The following CLEC16A variants were observed in gnomAD, a reference collection of about 807,000 sequenced individuals.
CLEC16A encodes C-type lectin domain containing 16A.
CLEC16A carries 51 observed loss-of-function variants against 109.5 expected under a neutral mutation model. The ratio of observed to expected loss-of-function variants is 0.47; its 90% confidence interval spans 0.37 to 0.59. CLEC16A has a LOEUF of 0.59. Ranked by LOEUF, CLEC16A falls within the 20% of genes least tolerant of loss-of-function variation. CLEC16A has a pLI of 0.00. For missense variants in CLEC16A, 1,339 were observed against 1,394.0 expected (o/e 0.96, Z 0.63); for synonymous variants, 673 against 564.2 (o/e 1.19, Z -2.73).
chr16:11,098,040 G>T (rs1349812013), intron 19 of CLEC16A, among the ~76,000 whole-genome samples: 2 of 152,240 alleles, frequency 1.3e-5, no homozygotes, highest in African/African-American at 4.8e-5. Context: ...GGCGCCCGGT[G>T]CCCAGGTCAC....
intron 2 of CLEC16A, among the ~76,000 whole-genome samples, chr16:10,959,231 A>G (rs1418130893): frequency 1.3e-5 from 2 of 152,154 alleles, no homozygotes; most frequent in Non-Finnish European, 2.9e-5. Flanking sequence ...GTAGCTTTAT[A>G]TTTTCATCAG....
chr16:11,055,417 A>G (rs2048159248), intron 18 of CLEC16A, among the ~76,000 whole-genome samples: 1 of 151,930 alleles, frequency 6.6e-6, no homozygotes, highest in Non-Finnish European at 1.5e-5. Context: ...CAAACAGGGA[A>G]CAGCACACAT....
chr16:11,113,933 T>C (rs940310847), intron 19 of CLEC16A, among the ~76,000 whole-genome samples: 11 of 152,234 alleles, frequency 7.2e-5, no homozygotes, highest in African/African-American at 2.4e-4. Flanking sequence ...TGTGAAACTT[T>C]CGGTTTTAAT....
chr16:11,003,299 A>T lies in CLEC16A; in HGVS notation c.1297A>T (p.Ser433Cys), dbSNP rs761530273. 4.0e-5 allele frequency: 65 copies of T among 1,610,554 alleles called. 1 individual carries two copies. In the Admixed American group the frequency reaches 1.1e-3, roughly 27 times the overall value. Residue 433 changes from serine (S) to cysteine (C), a missense_variant, in exon 11 of 24, where the codon AGT (serine) becomes TGT (cysteine). Around this residue, in one of 3 missense-constraint regions of CLEC16A, gnomAD observed 1,061 missense variants for 1,006.8 expected, o/e 1.05. Coordinates refer to ENST00000409790, the MANE Select transcript of CLEC16A (RefSeq NM_015226.3). ...AAAAGGCATCAAGACGAGTGGGGAG[A>T]GTGAAGGTGAGTGTCCCCATGAACG... ...GSKGIKTSGESEEIEMVIMER... is the reference protein window; with the variant it reads ...GSKGIKTSGECEEIEMVIMER...
Position 10,944,735 on chromosome 16 carries a change from G to A in CLEC16A, c.18G>A (p.Arg6=). ...CCGCCGACATGTTTGGCCGCTCGCG[G>A]AGCTGGGTGGGCGGGGGCCATGGCA... MFGRS[R]SWVGGGHGKT... The change falls in exon 1 of 24, where the codon CGG becomes CGA. Residue 6 remains arginine, a synonymous_variant. Transcript: ENST00000409790. The A allele has an allele frequency of 6.2e-7, 1 of 1,608,886 alleles. No individual in the cohort carries two copies. The highest frequency in any genetic ancestry group is 8.5e-7 in the Non-Finnish European group (1 of 1,178,542).
At chr16:10,979,666 A>G (rs2043212555) in intron 9 of CLEC16A, among the ~76,000 whole-genome samples, 1 of 152,230 alleles carries the variant, frequency 6.6e-6, no homozygotes, top group African/African-American at 2.4e-5. Flanking sequence ...TTTCCAAAAC[A>G]ACTGAGGAGT....
intron 22 of CLEC16A, 72 bp downstream of exon 22, chr16:11,126,218 A>G (rs1295000267): frequency 1.9e-6 from 3 of 1,591,890 alleles, no homozygotes; most frequent in Non-Finnish European, 2.6e-6. Context: ...CTCTCTGTGG[A>G]GCCTGTGTGA....
rs965027082 is a variant in CLEC16A at position 11,095,969 on chromosome 16, T to C, written c.2117-24646T>C. Among the ~76,000 whole-genome samples, 6 of 152,238 alleles carry C rather than the reference T, an allele frequency of 3.9e-5. No homozygotes were observed. In the East Asian group the frequency reaches 1.2e-3, roughly 29 times the overall value. ...CCTCCCAAGTAGCTAGGACTGCAGG[T>C]GCACACCATCACACCCAGCCATTAC... On this transcript the variant is annotated intron_variant, in intron 19 of 23. Transcript: ENST00000409790.
chr16:11,029,965 A>G (rs998916524), intron 13 of CLEC16A, among the ~76,000 whole-genome samples: 1 of 152,184 alleles, frequency 6.6e-6, no homozygotes, highest in Non-Finnish European at 1.5e-5. Flanking sequence ...AAAATTTTGT[A>G]TAAACAGAGT....
chr16:11,083,798 G>T (rs377003306), intron 19 of CLEC16A, among the ~76,000 whole-genome samples: 1 of 152,202 alleles, frequency 6.6e-6, no homozygotes, highest in African/African-American at 2.4e-5. Flanking sequence ...TCCCCTGTCC[G>T]CTGGGAGGCA....
At chr16:10,950,222 T>C (rs1339070557) in intron 1 of CLEC16A, among the ~76,000 whole-genome samples, 1 of 152,230 alleles carries the variant, frequency 6.6e-6, no homozygotes, top group Non-Finnish European at 1.5e-5. Flanking sequence ...CATATCTTTT[T>C]TGTTGTTTTC....
chr16:11,116,087 G>C (rs933701933), intron 19 of CLEC16A, among the ~76,000 whole-genome samples: 10 of 152,120 alleles, frequency 6.6e-5, no homozygotes, highest in Non-Finnish European at 1.5e-4. Context: ...TCTTGCTGTA[G>C]ATAATAAGAA....
intron 1 of CLEC16A, among the ~76,000 whole-genome samples, chr16:10,949,295 C>T (rs1434066586): frequency 6.6e-6 from 1 of 152,068 alleles, no homozygotes; most frequent in Non-Finnish European, 1.5e-5. Flanking sequence ...ATTATGGGTC[C>T]TAGGCTCCCA....
chr16:11,111,879 A>G (rs138207529), intron 19 of CLEC16A, among the ~76,000 whole-genome samples: 1 of 152,388 alleles, frequency 6.6e-6, no homozygotes, highest in East Asian at 1.9e-4. Flanking sequence ...TTAATAGAAT[A>G]CAAATGTTTT....
Position 11,020,291 on chromosome 16 carries a change from G to T in CLEC16A, c.1402G>T (p.Ala468Ser). Residue 468 changes from alanine (A) to serine (S), a missense_variant, in exon 12 of 24, where the codon GCC becomes TCC. This residue lies in a region of CLEC16A where 1,061 missense variants were observed against 1,006.8 expected (regional missense o/e 1.05). Coordinates refer to ENST00000409790, the MANE Select transcript of CLEC16A (RefSeq NM_015226.3). ...CACCACGGACGAGGAGAAAAGCGCC[G>T]CCGCCACCTGCTCTGAGAGCACGCA... ...QNTTDEEKSA[A>S]ATCSESTQWS... is the part of the protein sequence containing the mutation. 1 of 1,613,178 alleles carries T rather than the reference G, an allele frequency of 6.2e-7. No homozygotes were observed. The highest frequency in any genetic ancestry group is 2.2e-5 in the East Asian group (1 of 44,828).
At chr16:11,062,615 C>T (rs963404101) in intron 19 of CLEC16A, among the ~76,000 whole-genome samples, 2 of 152,144 alleles carry the variant, frequency 1.3e-5, no homozygotes, top group East Asian at 1.9e-4. Context: ...CATAGCATGC[C>T]GCCTGACACG....
At chr16:11,165,954 C>T (rs1323058880) in intron 22 of CLEC16A, among the ~76,000 whole-genome samples, 2 of 152,140 alleles carry the variant, frequency 1.3e-5, no homozygotes, top group African/African-American at 2.4e-5. Context: ...AGCGTGGGTC[C>T]CCCAGGTATG....
intron 13 of CLEC16A, among the ~76,000 whole-genome samples, chr16:11,037,202 T>C (rs752588852): frequency 1.3e-5 from 2 of 152,132 alleles, no homozygotes; most frequent in Non-Finnish European, 2.9e-5. Context: ...AGGGGTGGCT[T>C]TTGTCAGCCC....
intron 19 of CLEC16A, among the ~76,000 whole-genome samples, chr16:11,112,185 G>A (rs1032874478): frequency 2.0e-5 from 3 of 152,194 alleles, no homozygotes; most frequent in Admixed American, 6.5e-5. Context: ...GGAGAACATA[G>A]CCCCATGAGT....
Sources: gnomAD v4.1 joint callset for allele counts (sites outside exome capture counted in the v4.1 genomes callset) on GRCh38, gnomAD v4.1.1 for gene constraint, gnomAD v4.1.1 regional missense constraint, MANE v1.5 for transcripts, NCBI Gene and HGNC (gene_info 2026-07-23, HGNC 2026-07-21) for gene names.